PLAC1: variants seen among roughly 807,000 people sequenced by gnomAD.
PLAC1 encodes placenta associated 1, also known as placenta-specific protein 1.
For missense variants in PLAC1, 136 were observed against 163.2 expected (o/e 0.83, Z 0.91); for synonymous variants, 68 against 62.1 (o/e 1.09, Z -0.44).
At chrX:134,652,655 ATC>A (rs766417983) in intron 1 of PLAC1, among the ~76,000 whole-genome samples, 1 of 111,976 alleles carries the variant, frequency 8.9e-6, no homozygotes, top group South Asian at 3.8e-4. Context: ...AAGTTACTTA[ATC>A]TCTCTGTGCC....
Position 134,583,790 on chromosome X carries a change from G to A in PLAC1, c.-58-17050C>T, listed in dbSNP as rs768300134. Among the ~76,000 whole-genome samples, 3 of 110,766 alleles carry A rather than the reference G, an allele frequency of 2.7e-5. No homozygotes were observed. In the East Asian group the frequency reaches 8.6e-4, roughly 32 times the overall value. ...CATCAATCTGCCACTCTCCTCAGGG[G>A]TTGCTGGAAATTCCTGGCGCAGATG... On this transcript the variant is annotated intron_variant, in intron 2 of 2. Coordinates refer to ENST00000359237, the MANE Select transcript of PLAC1 (RefSeq NM_021796.4).
At chrX:134,611,581 A>G (rs1410165495) in intron 1 of PLAC1, among the ~76,000 whole-genome samples, 5 of 108,094 alleles carry the variant, frequency 4.6e-5, no homozygotes, top group African/African-American at 3.4e-5. Flanking sequence ...ATACATATGT[A>G]TATATATATG....
chrX:134,604,730 G>A (rs1408641222), intron 1 of PLAC1, among the ~76,000 whole-genome samples: 1 of 111,000 alleles, frequency 9.0e-6, no homozygotes, highest in East Asian at 2.8e-4. Context: ...CCTTTGCTGG[G>A]GCCTGCAGGC....
chrX:134,731,201 C>T (rs1569412250), intron 2 of PLAC1, among the ~76,000 whole-genome samples: 1 of 112,137 alleles, frequency 8.9e-6, no homozygotes, highest in Non-Finnish European at 1.9e-5. Context: ...TTTTTAATTC[C>T]AGCACCACTA....
intron 1 of PLAC1, among the ~76,000 whole-genome samples, chrX:134,744,874 T>C (rs2078725793): frequency 8.9e-6 from 1 of 111,742 alleles, no homozygotes; most frequent in South Asian, 3.8e-4. Flanking sequence ...GAAAGACACA[T>C]ACTCCTTGTC....
chrX:134,646,964 G>A, intron 1 of PLAC1, among the ~76,000 whole-genome samples: 1 of 111,918 alleles, frequency 8.9e-6, no homozygotes. Flanking sequence ...TTGGCTTTGG[G>A]TCTGTTTTGT....
chrX:134,663,065 C>T (rs1211642399), upstream of PLAC1, among the ~76,000 whole-genome samples: 2 of 112,567 alleles, frequency 1.8e-5, no homozygotes, highest in East Asian at 5.5e-4. Context: ...TGTGTTGTCT[C>T]AGTAGCTGTT....
chrX:134,727,508 A>G (rs767152435), intron 2 of PLAC1, among the ~76,000 whole-genome samples: 4 of 112,281 alleles, frequency 3.6e-5, no homozygotes, highest in Middle Eastern at 4.6e-3. Flanking sequence ...TTTAAGTTTC[A>G]TCAAAAGAGT....
chrX:134,603,289 A>ATATATTTATATATATATATATATATT (rs2078099722), intron 1 of PLAC1, among the ~76,000 whole-genome samples: 5 of 1,243 alleles, frequency 4.0e-3, no homozygotes, highest in African/African-American at 0.012. Context: ...ATATATATAT[A>ATATATTTATATATATATATATATATT]TATATATATA....
intron 2 of PLAC1, among the ~76,000 whole-genome samples, chrX:134,596,939 T>G (rs772719808): frequency 6.3e-5 from 7 of 111,283 alleles, no homozygotes; most frequent in African/African-American, 2.3e-4. Flanking sequence ...ATTGTTTTCT[T>G]TGTCTTTAGT....
chrX:134,737,621 G>A (rs1423506985), intron 1 of PLAC1, among the ~76,000 whole-genome samples: 1 of 112,384 alleles, frequency 8.9e-6, no homozygotes, highest in Non-Finnish European at 1.9e-5. Context: ...TAATGCACCT[G>A]CCCCTAATTG....
intron 2 of PLAC1, among the ~76,000 whole-genome samples, chrX:134,582,455 A>G (rs968038577): frequency 8.9e-6 from 1 of 111,981 alleles, no homozygotes; most frequent in Non-Finnish European, 1.9e-5. Flanking sequence ...TATTTTTTTA[A>G]ACTAAGTTTT....
At chrX:134,723,293 T>C (rs1476163586) in intron 2 of PLAC1, among the ~76,000 whole-genome samples, 21 of 108,560 alleles carry the variant, frequency 1.9e-4, no homozygotes. Context: ...ACCTTTTAGG[T>C]ATAAAATTGT....
At chrX:134,756,497 T>C (rs904126207) in intron 1 of PLAC1, among the ~76,000 whole-genome samples, 1 of 111,130 alleles carries the variant, frequency 9.0e-6, no homozygotes, top group African/African-American at 3.3e-5. Flanking sequence ...TATCCAGTTG[T>C]GCCAATAGAA....
chrX:134,720,473 T>C (rs2078654482), intron 2 of PLAC1, among the ~76,000 whole-genome samples: 1 of 110,634 alleles, frequency 9.0e-6, no homozygotes, highest in Admixed American at 9.7e-5. Context: ...TTTTTTTTTT[T>C]TTGGCAGAAA....
chrX:134,597,077 T>C lies in PLAC1; in HGVS notation c.-59+4974A>G, dbSNP rs760433582. Among the ~76,000 whole-genome samples the C allele has an allele frequency of 7.2e-5, 8 of 111,717 alleles. No homozygotes were observed. The East Asian group carries it at 2.2e-3, about 31-fold the overall frequency. On this transcript the variant is annotated intron_variant, in intron 2 of 2. Coordinates refer to ENST00000359237, the MANE Select transcript of PLAC1 (RefSeq NM_021796.4). Reference sequence around the variant, plus strand: ...TGGAAAATTTTCAGCCATTATTCCTTGAAATACTTTTCAGTCCTAGTCTCC... The same window carrying C: ...TGGAAAATTTTCAGCCATTATTCCTCGAAATACTTTTCAGTCCTAGTCTCC...
At chrX:134,590,490 T>G (rs1472868227) in intron 2 of PLAC1, among the ~76,000 whole-genome samples, 2 of 112,199 alleles carry the variant, frequency 1.8e-5, no homozygotes, top group Non-Finnish European at 3.8e-5. Context: ...AGATAGTTGA[T>G]CTCAAAAATG....
chrX:134,626,114 C>T (rs1473292263), intron 1 of PLAC1, among the ~76,000 whole-genome samples: 1 of 111,803 alleles, frequency 8.9e-6, no homozygotes, highest in African/African-American at 3.3e-5. Flanking sequence ...AAAGTGCTTT[C>T]ACACACGTTC....
intron 2 of PLAC1, among the ~76,000 whole-genome samples, chrX:134,720,175 A>T (rs773195094): frequency 8.9e-6 from 1 of 112,338 alleles, no homozygotes; most frequent in Non-Finnish European, 1.9e-5. Flanking sequence ...AAACACAACA[A>T]TCAATTCTAT....
Sources: gnomAD v4.1 joint callset for allele counts (sites outside exome capture counted in the v4.1 genomes callset) on GRCh38, gnomAD v4.1.1 for gene constraint, MANE v1.5 for transcripts, NCBI Gene and HGNC (gene_info 2026-07-23, HGNC 2026-07-21) for gene names.